Variants in LIPH observed in about 807,000 individuals in gnomAD.
LIPH encodes lipase H.
LIPH carries 32 observed loss-of-function variants against 47.6 expected under a neutral mutation model. The ratio of observed to expected loss-of-function variants is 0.67; its 90% CI spans 0.51 to 0.90. The LOEUF (loss-of-function observed/expected upper bound fraction) is 0.90. LIPH is among the 40% of genes least tolerant of loss of function. The pLI, the probability that LIPH is intolerant of heterozygous loss-of-function variation, is 0.00. For missense variants in LIPH, 497 were observed against 541.4 expected (o/e 0.92, Z 0.81); for synonymous variants, 190 against 195.6 (o/e 0.97, Z 0.24).
chr3:185,522,190 C>G (rs1560160470), intron 5 of LIPH, among the ~76,000 whole-genome samples: 1 of 152,182 alleles, frequency 6.6e-6, no homozygotes, highest in Non-Finnish European at 1.5e-5. Flanking sequence ...CCAGTGACAA[C>G]AAGCCGGACA....
At chr3:185,511,821 T>A in intron 8 of LIPH, 124 bp from the exon 9 acceptor site, 3 of 388,678 alleles carry the variant, frequency 7.7e-6, no homozygotes, top group Non-Finnish European at 1.4e-5. Context: ...CCAGCTGACT[T>A]TTTTTTTTTT....
chr3:185,546,216 G>T (rs1720866478), intron 1 of LIPH, among the ~76,000 whole-genome samples: 1 of 151,886 alleles, frequency 6.6e-6, no homozygotes, highest in African/African-American at 2.4e-5. Flanking sequence ...GCCGGGTGTG[G>T]TAGCGCACAC....
At chr3:185,541,140 C>T (rs1297880904) in intron 1 of LIPH, among the ~76,000 whole-genome samples, 1 of 152,100 alleles carries the variant, frequency 6.6e-6, no homozygotes, top group Non-Finnish European at 1.5e-5. Flanking sequence ...TCTGGTGATT[C>T]CTTATATAGT....
intron 7 of LIPH, among the ~76,000 whole-genome samples, chr3:185,515,543 G>A (rs752040047): frequency 9.1e-4 from 138 of 150,930 alleles, no homozygotes; most frequent in Non-Finnish European, 1.5e-3. Flanking sequence ...GAATCTCTCT[G>A]TGTTGCCCAG....
intron 1 of LIPH, among the ~76,000 whole-genome samples, chr3:185,538,890 T>TACATATATACATATATACACATATAC (rs777833879): frequency 7.0e-6 from 1 of 143,010 alleles, no homozygotes; most frequent in African/African-American, 2.6e-5. Context: ...TATACATATA[T>TACATATATACATATATACACATATAC]ACGTATATAC....
At chr3:185,534,652 C>T in intron 2 of LIPH, 113 bp downstream of exon 2, 1 of 1,100,782 alleles carries the variant, frequency 9.1e-7, no homozygotes, top group Non-Finnish European at 1.3e-6. Context: ...TTCACATTTG[C>T]AAAATGTTGC....
In LIPH at chr3:185,552,507, G is replaced by C. The variant is rs1479036908; in HGVS notation, c.-36C>G. 3 of 1,457,760 alleles carry C rather than the reference G, an allele frequency of 2.1e-6. No individual in the cohort carries two copies. Among genetic ancestry groups the C allele is most frequent in the East Asian group, 4.5e-5 (2 of 44,128 alleles). The allele number at this position is 1,457,760 out of a possible 1,614,324, so 90.3% of individuals were successfully genotyped here. On this transcript the variant is annotated 5_prime_UTR_variant, in exon 1 of 10. Coordinates refer to ENST00000296252, the MANE Select transcript of LIPH (RefSeq NM_139248.3). Reference sequence around the variant, plus strand: ...GAGAGATCGTGTGTCACATTCACAAGAATGATTTACTTCGCAGAGGCTTAA... The same window carrying C: ...GAGAGATCGTGTGTCACATTCACAACAATGATTTACTTCGCAGAGGCTTAA...
At chr3:185,547,257 T>A (rs556379947) in intron 1 of LIPH, among the ~76,000 whole-genome samples, 1 of 152,160 alleles carries the variant, frequency 6.6e-6, no homozygotes, top group Non-Finnish European at 1.5e-5. Flanking sequence ...GTAGGACATG[T>A]AGAAGTGAAA....
intron 8 of LIPH, among the ~76,000 whole-genome samples, chr3:185,513,468 T>C (rs1309436639): frequency 1.3e-5 from 2 of 152,168 alleles, no homozygotes; most frequent in Non-Finnish European, 2.9e-5. Flanking sequence ...GGATCCTGTA[T>C]GCACCATCAG....
intron 1 of LIPH, among the ~76,000 whole-genome samples, chr3:185,547,857 A>C (rs1342785686): frequency 6.6e-6 from 1 of 151,956 alleles, no homozygotes; most frequent in Non-Finnish European, 1.5e-5. Context: ...GAAAGAAAGA[A>C]AGTATTTACT....
At chr3:185,510,286 ACTACT>A (rs1462426058) in intron 9 of LIPH, among the ~76,000 whole-genome samples, 1 of 152,126 alleles carries the variant, frequency 6.6e-6, no homozygotes, top group Non-Finnish European at 1.5e-5. Flanking sequence ...CAAAGTACTA[ACTACT>A]CACATCATTT....
At chr3:185,537,457 G>T (rs1360735950) in intron 1 of LIPH, among the ~76,000 whole-genome samples, 1 of 152,030 alleles carries the variant, frequency 6.6e-6, no homozygotes, top group Non-Finnish European at 1.5e-5. Context: ...CCATCCCTTG[G>T]CCTCTTTCAT....
chr3:185,527,586 C>T lies in LIPH; in HGVS notation c.527-1G>A. 1.2e-6 allele frequency: 2 copies of T among 1,604,042 alleles called. No homozygotes were observed. The highest frequency in any genetic ancestry group is 8.5e-7 in the Non-Finnish European group (1 of 1,172,656). ...AATAAAGGGCCTGCAGGGTCGAGGC[C>T]TGGAAGGAAAACAGAGTCACTTGGC... On this transcript the variant is annotated splice_acceptor_variant, in intron 3 of 9. Transcript: ENST00000296252. LOFTEE classifies it high-confidence loss of function.
At chr3:185,546,393 G>A (rs74809517) in intron 1 of LIPH, among the ~76,000 whole-genome samples, 7,079 of 149,422 alleles carry the variant, frequency 0.047, 265 homozygotes, top group East Asian at 0.24. Flanking sequence ...GGGCATGGTG[G>A]TGCAGGCCTA....
intron 3 of LIPH, among the ~76,000 whole-genome samples, chr3:185,529,413 T>C (rs1577677370): frequency 7.9e-6 from 1 of 126,094 alleles, no homozygotes; most frequent in African/African-American, 2.7e-5. Flanking sequence ...AGCCTTTTTC[T>C]TTTTCTTTTT....
chr3:185,529,181 AAAAAAAAAAAAG>A (rs1720224905), intron 3 of LIPH, among the ~76,000 whole-genome samples: 1 of 147,346 alleles, frequency 6.8e-6, no homozygotes, highest in South Asian at 2.2e-4. Context: ...CGTCTCAAAA[AAAAAAAAAAAAG>A]AAAAAAAGAA....
intron 6 of LIPH, among the ~76,000 whole-genome samples, chr3:185,517,702 C>T (rs998690044): frequency 2.6e-5 from 4 of 152,120 alleles, no homozygotes; most frequent in Non-Finnish European, 5.9e-5. Context: ...GAATGGCCTT[C>T]ACATTCTGCC....
intron 1 of LIPH, among the ~76,000 whole-genome samples, chr3:185,550,322 T>A (rs773971534): frequency 5.3e-5 from 8 of 152,214 alleles, no homozygotes; most frequent in Non-Finnish European, 7.3e-5. Flanking sequence ...TTTATTCTTG[T>A]GTGTCTCTGT....
chr3:185,508,932 C>G, intron 9 of LIPH, 55 bp from the exon 10 acceptor site: 1 of 1,018,026 alleles, frequency 9.8e-7, no homozygotes, highest in East Asian at 2.4e-5. Context: ...ATGCAATGGT[C>G]TAGTAAATAA....
Sources: gnomAD v4.1 joint callset for allele counts (sites outside exome capture counted in the v4.1 genomes callset) on GRCh38, gnomAD v4.1.1 for gene constraint, MANE v1.5 for transcripts, NCBI Gene and HGNC (gene_info 2026-07-23, HGNC 2026-07-21) for gene names.